CST1: variants seen among roughly 807,000 people sequenced by gnomAD.
The protein encoded by CST1 is cystatin SN, also known as cystatin-SN.
In CST1, 19 loss-of-function variants were observed where a neutral mutation model predicts 10.7. The observed-to-expected ratio is 1.78, with a 90% CI of 1.24 to 2.61. CST1 has a LOEUF of 2.61. Ranked by LOEUF, CST1 falls within the 30% of genes most tolerant of loss-of-function variation. The pLI, the probability that CST1 is intolerant of heterozygous loss-of-function variation, is 0.00. For synonymous variants in CST1, 95 were observed against 72.8 expected (o/e 1.31, Z -1.55); for missense variants, 247 against 178.1 (o/e 1.39, Z -2.20).
At position 23,750,821 on chromosome 20, in the gene CST1, C is replaced by G; in HGVS notation, c.46G>C (p.Ala16Pro). 1 of 1,613,944 alleles carries G rather than the reference C, an allele frequency of 6.2e-7. No homozygotes were observed. Among genetic ancestry groups the G allele is most frequent in the Non-Finnish European group, 8.5e-7 (1 of 1,179,926 alleles). Residue 16 changes from alanine (A) to proline (P), a missense_variant, in exon 1 of 3, where the codon GCT becomes CCT. Ala to Pro is a conservative substitution (Grantham distance 27). Coordinates refer to ENST00000304749, the MANE Select transcript of CST1 (RefSeq NM_001898.3). ...TTGGGGCTCCAGGCCAGGGCCACAG[C>G]TAGGGTGGCCAGCAGGAGCAGCAGG... ...STLLLLLATL[A>P]VALAWSPKEE...
chr20:23,749,190 C>A, intron 1 of CST1, 61 bp from the exon 2 acceptor site: 4 of 1,517,886 alleles, frequency 2.6e-6, no homozygotes, highest in Middle Eastern at 1.7e-4. Flanking sequence ...AGGCACTTCA[C>A]TGTGGCTGAG....
chr20:23,749,173 C>A (rs778730371), intron 1 of CST1, 44 bp from the exon 2 acceptor site: 2 of 1,582,436 alleles, frequency 1.3e-6, no homozygotes, highest in Non-Finnish European at 1.7e-6. Context: ...TCAGTTCATG[C>A]ACTCACAGGC....
At position 23,749,000 on chromosome 20, in the gene CST1, T is replaced by C. The variant is rs7354713; in HGVS notation, c.342+16A>G. ...TGCAGTGCATGACTGGCCCGGGACC[T>C]GCATCAGGAACGTACCTTCTGCAGT... is the stretch of plus-strand genomic sequence containing the variant. On this transcript the variant is annotated intron_variant, in intron 2 of 2. Transcript: ENST00000304749. 5.3e-4 allele frequency: 848 copies of C among 1,611,224 alleles called. No individual in the cohort carries two copies. The highest frequency in any genetic ancestry group is 3.0e-3 in the Middle Eastern group (18 of 6,052).
At chr20:23,748,408 G>C (rs1351216397) in intron 2 of CST1, among the ~76,000 whole-genome samples, 1 of 152,104 alleles carries the variant, frequency 6.6e-6, no homozygotes, top group East Asian at 1.9e-4. Context: ...TGTTGGGTGA[G>C]CCGGGCAGGT....
chr20:23,747,914 A>G lies in CST1; in HGVS notation c.343-15T>C, dbSNP rs1272833743. ...CACAACTGTTTCTGTGAAAGGGAAG[A>G]GAGAGGGCCAATCAGTGTGGGTTAC... On this transcript the variant is annotated splice_polypyrimidine_tract_variant and intron_variant, in intron 2 of 2. Coordinates refer to ENST00000304749, the MANE Select transcript of CST1 (RefSeq NM_001898.3). 1 of 1,607,514 alleles carries G rather than the reference A, an allele frequency of 6.2e-7. No homozygotes were observed. The highest frequency in any genetic ancestry group is 2.2e-5 in the East Asian group (1 of 44,828).
In CST1 at chr20:23,748,111, A is replaced by C. The variant is rs184509151; in HGVS notation, c.343-212T>G. ...CTCCAAGTCACCAGGTGGCATTGGGACCCCACCCCAGCCTGCAGTGTCCTG... is the reference window on the plus strand; with the variant it reads ...CTCCAAGTCACCAGGTGGCATTGGGCCCCCACCCCAGCCTGCAGTGTCCTG... On this transcript the variant is annotated intron_variant, in intron 2 of 2. Coordinates refer to ENST00000304749, the MANE Select transcript of CST1 (RefSeq NM_001898.3). 4.2e-3 allele frequency among the ~76,000 whole-genome samples: 631 copies of C among 151,864 alleles called. 6 individuals are homozygous for C. Among genetic ancestry groups the C allele is most frequent in the African/African-American group, 0.014 (593 of 41,394 alleles).
In CST1 at chr20:23,747,865, G is replaced by A. The variant is rs753832762; in HGVS notation, c.377C>T (p.Pro126Leu). 8 of 1,613,994 alleles carry A rather than the reference G, an allele frequency of 5.0e-6. No individual in the cohort carries two copies. Among genetic ancestry groups the A allele is most frequent in the South Asian group, 1.1e-5 (1 of 91,082 alleles). Reference sequence around the variant, plus strand: ...CACCAGGGACCTTCTGTTCTCCCAGGGAACTTCGTAGATCTCGAAAGAGCA... The same window carrying A: ...CACCAGGGACCTTCTGTTCTCCCAGAGAACTTCGTAGATCTCGAAAGAGCA... ...QLCSFEIYEV[P>L]WENRRSLVKS... Residue 126 changes from proline (P) to leucine (L), a missense_variant, in exon 3 of 3, where the codon CCC (proline) becomes CTC (leucine). Physicochemically the swap from Pro to Leu is moderately conservative, Grantham distance 98. Coordinates refer to ENST00000304749, the MANE Select transcript of CST1 (RefSeq NM_001898.3).
chr20:23,748,547 C>T (rs111288315), intron 2 of CST1, among the ~76,000 whole-genome samples: 10 of 152,302 alleles, frequency 6.6e-5, no homozygotes, highest in African/African-American at 2.4e-4. Flanking sequence ...AGCCGCACAG[C>T]TGCTTCTTCC....
intron 2 of CST1, among the ~76,000 whole-genome samples, chr20:23,748,750 C>A (rs532326131): frequency 1.3e-5 from 2 of 152,120 alleles, no homozygotes; most frequent in African/African-American, 4.8e-5. Context: ...CATACACCCC[C>A]CACACATCCA....
At chr20:23,749,882 A>G (rs1243007905) in intron 1 of CST1, among the ~76,000 whole-genome samples, 1 of 137,256 alleles carries the variant, frequency 7.3e-6, no homozygotes, top group Non-Finnish European at 1.6e-5. Flanking sequence ...GCAGGGAGAG[A>G]GCCCCAGCTG....
chr20:23,750,513 G>A, intron 1 of CST1, 126 bp downstream of exon 1: 1 of 918,964 alleles, frequency 1.1e-6, no homozygotes, highest in South Asian at 1.6e-5. Flanking sequence ...GAGAGCCAGG[G>A]AAAGCTGAAT....
intron 1 of CST1, 61 bp downstream of exon 1, chr20:23,750,578 T>A: frequency 6.9e-7 from 1 of 1,446,364 alleles, no homozygotes; most frequent in Non-Finnish European, 9.7e-7. Flanking sequence ...GGAATGCTCT[T>A]GGGGGTTGGG....
In CST1 at chr20:23,747,837, T is replaced by A. The variant is rs3188322; in HGVS notation, c.405A>T (p.Lys135Asn). 56 of 1,613,776 alleles carry A rather than the reference T, an allele frequency of 3.5e-5. No homozygotes were observed. The highest frequency in any genetic ancestry group is 1.1e-4 in the African/African-American group (8 of 74,876). Residue 135 changes from lysine (K) to asparagine (N), a missense_variant, in exon 3 of 3, where the codon AAA (lysine) becomes AAT (asparagine). Transcript: ENST00000304749. ...ATCCCTAGGATTCTTGACACCTGGATTTCACCAGGGACCTTCTGTTCTCCC... is the reference window on the plus strand; with the variant it reads ...ATCCCTAGGATTCTTGACACCTGGAATTCACCAGGGACCTTCTGTTCTCCC... Reference protein sequence around the residue: ...VPWENRRSLVKSRCQES With the variant: ...VPWENRRSLVNSRCQES
rs763625180 is a variant in CST1, at chr20:23,749,057, A to G, written c.301T>C (p.Leu101=). ...RTICTKSQPN[L]DTCAFHEQPE... ...TGTTCATGGAAGGCACAGGTGTCCA[A>G]GTTGGGCTGGGACTTGGTACATATG... Residue 101 remains leucine (L), a synonymous_variant, in exon 2 of 3, where the codon TTG becomes CTG. Coordinates refer to ENST00000304749, the MANE Select transcript of CST1 (RefSeq NM_001898.3). The G allele has an allele frequency of 1.3e-5, 21 of 1,614,028 alleles. No individual in the cohort carries two copies. Among genetic ancestry groups the G allele is most frequent in the Middle Eastern group, 1.6e-4 (1 of 6,082 alleles).
At position 23,748,778 on chromosome 20, in the gene CST1, T is replaced by A. The variant is rs550528965; in HGVS notation, c.342+238A>T. ...CACATCCATGCACAGGCACACATGCTCCCATCCACCTCCCTGCACACACTG... is the reference window on the plus strand; with the variant it reads ...CACATCCATGCACAGGCACACATGCACCCATCCACCTCCCTGCACACACTG... On this transcript the variant is annotated intron_variant, in intron 2 of 2. Transcript: ENST00000304749. 2.0e-5 allele frequency among the ~76,000 whole-genome samples: 3 copies of A among 150,960 alleles called. No homozygotes were observed. In the South Asian group the frequency reaches 6.3e-4, roughly 32 times the overall value.
At chr20:23,749,303 G>A (rs143819315) in intron 1 of CST1, among the ~76,000 whole-genome samples, 174 bp from the exon 2 acceptor site, 330 of 152,230 alleles carry the variant, frequency 2.2e-3, no homozygotes, top group African/African-American at 6.4e-3. Flanking sequence ...CCTCATACCC[G>A]CTCTTAAACA....
intron 1 of CST1, among the ~76,000 whole-genome samples, chr20:23,749,333 TA>T (rs1982765826): frequency 6.6e-6 from 1 of 152,174 alleles, no homozygotes; most frequent in African/African-American, 2.4e-5. Flanking sequence ...CTGTGCTGGG[TA>T]AAAGGATTCA....
Position 23,747,766 on chromosome 20 carries a change from C to T in CST1, c.*50G>A, listed in dbSNP as rs374507475. 130 of 1,575,876 alleles carry T rather than the reference C, an allele frequency of 8.2e-5. No homozygotes were observed. Among genetic ancestry groups the T allele is most frequent in the Middle Eastern group, 6.8e-4 (4 of 5,916 alleles). On this transcript the variant is annotated 3_prime_UTR_variant, in exon 3 of 3. Coordinates refer to ENST00000304749, the MANE Select transcript of CST1 (RefSeq NM_001898.3). ...CACCAGTCCAGGGGTGGGAGCACTA[C>T]AGGGGGTGGGAGTGGGTGGTGGCTG...
At position 23,750,858 on chromosome 20, in the gene CST1, C is replaced by A; in HGVS notation, c.9G>T (p.Gln3His). ...GCAGGAGCAGCAGGGTACTCAGATACTGGGCCATGGTCTCCTCAGAGGCAG... is the reference window on the plus strand; with the variant it reads ...GCAGGAGCAGCAGGGTACTCAGATAATGGGCCATGGTCTCCTCAGAGGCAG... Reference protein sequence around the residue: MAQYLSTLLLLLA... With the variant: MAHYLSTLLLLLA... Residue 3 changes from glutamine (Q) to histidine (H), a missense_variant, in exon 1 of 3, where the codon CAG becomes CAT. By Grantham distance (24) the Gln-to-His change is conservative. Transcript: ENST00000304749. 2 of 1,608,478 alleles carry A rather than the reference C, an allele frequency of 1.2e-6. No individual in the cohort carries two copies. Among genetic ancestry groups the A allele is most frequent in the Non-Finnish European group, 1.7e-6 (2 of 1,177,234 alleles).
Sources: allele counts gnomAD v4.1 joint callset (sites outside exome capture counted in the v4.1 genomes callset), GRCh38; gene constraint gnomAD v4.1.1; transcripts MANE v1.5; gene names NCBI Gene and HGNC (gene_info 2026-07-23, HGNC 2026-07-21).